Variants in RCOR3 observed in about 807,000 individuals in gnomAD.
RCOR3 encodes the protein REST corepressor 3.
A neutral mutation model predicts 64.1 loss-of-function variants in RCOR3; 13 were observed. The ratio of observed to expected loss-of-function variants is 0.20; its 90% CI spans 0.13 to 0.32. RCOR3 has a LOEUF of 0.32. Ranked by LOEUF, RCOR3 falls within the 10% of genes least tolerant of loss-of-function variation. RCOR3 has a pLI of 1.00. For missense variants in RCOR3, 489 were observed against 701.2 expected, an observed-to-expected ratio of 0.70 and a Z score of 3.42; for synonymous variants, 215 against 239.0, an observed-to-expected ratio of 0.90 and a Z score of 0.93.
intron 2 of RCOR3, among the ~76,000 whole-genome samples, chr1:211,270,237 A>G (rs1695934582): frequency 1.3e-5 from 2 of 151,874 alleles, no homozygotes; most frequent in South Asian, 2.1e-4. Context: ...TAATTTTTGT[A>G]TTTTTAGTAG....
Position 211,289,253 on chromosome 1 carries a change from C to T in RCOR3, c.796C>T (p.His266Tyr), listed in dbSNP as rs764852882. 2 of 1,614,022 alleles carry T rather than the reference C, an allele frequency of 1.2e-6. No individual in the cohort carries two copies. Among genetic ancestry groups the T allele is most frequent in the East Asian group, 2.2e-5 (1 of 44,866 alleles). The change falls in exon 8 of 12, where the codon CAT (histidine) becomes TAT (tyrosine). Residue 266 changes from histidine (H) to tyrosine (Y), a missense_variant. His to Tyr is a moderately conservative substitution (Grantham distance 83). Transcript: ENST00000419091. ...AGAGTATCAGAGTTTACAACATCGC[C>T]ATCATTCTCAGCGTTCTAAGTGCCG... ...RREYQSLQHR[H>Y]HSQRSKCRPP...
intron 9 of RCOR3, among the ~76,000 whole-genome samples, chr1:211,299,976 T>G (rs930641878): frequency 6.6e-6 from 1 of 152,058 alleles, no homozygotes; most frequent in African/African-American, 2.4e-5. Flanking sequence ...CTATTTTTTC[T>G]TCACTCTTCC....
intron 10 of RCOR3, among the ~76,000 whole-genome samples, chr1:211,309,086 T>TA (rs10688171): frequency 0.15 from 16,727 of 113,724 alleles, 1,372 homozygotes; most frequent in African/African-American, 0.19. Context: ...TAGCTAAACA[T>TA]AAAAAAAAAA....
chr1:211,279,640 A>G (rs541128488), intron 7 of RCOR3, among the ~76,000 whole-genome samples: 5 of 152,178 alleles, frequency 3.3e-5, no homozygotes, highest in Admixed American at 6.5e-5. Context: ...TCTTTCATCA[A>G]TGTTATTTAA....
chr1:211,290,890 G>A (rs1275501457), intron 8 of RCOR3, among the ~76,000 whole-genome samples: 2 of 151,990 alleles, frequency 1.3e-5, no homozygotes, highest in Non-Finnish European at 2.9e-5. Context: ...GGAAACTGCT[G>A]AAGGACTTTA....
At chr1:211,282,397 T>G (rs1202116605) in intron 7 of RCOR3, among the ~76,000 whole-genome samples, 1 of 152,222 alleles carries the variant, frequency 6.6e-6, no homozygotes, top group African/African-American at 2.4e-5. Flanking sequence ...AATTTTAACT[T>G]TTAAAAGTTG....
At chr1:211,278,087 C>G (rs1319995693) in intron 5 of RCOR3, 30 bp from the exon 6 acceptor site, 2 of 1,553,124 alleles carry the variant, frequency 1.3e-6, no homozygotes, top group Non-Finnish European at 1.8e-6. Context: ...ATGAATTAAA[C>G]TTGCTGATAT....
chr1:211,289,019 T>C (rs1698918146), intron 7 of RCOR3, among the ~76,000 whole-genome samples, 159 bp from the exon 8 acceptor site: 1 of 151,934 alleles, frequency 6.6e-6, no homozygotes, highest in Non-Finnish European at 1.5e-5. Flanking sequence ...GTGAGTGTTA[T>C]GTGTGTGTGT....
intron 3 of RCOR3, chr1:211,271,671 G>T: frequency 5.2e-6 from 2 of 388,120 alleles, no homozygotes; most frequent in Non-Finnish European, 1.0e-5. Flanking sequence ...ACTTCAAAGA[G>T]CCCACTATCA....
chr1:211,295,871 A>G (rs1699814151), intron 9 of RCOR3, 118 bp downstream of exon 9: 2 of 644,790 alleles, frequency 3.1e-6, no homozygotes, highest in African/African-American at 1.8e-5. Flanking sequence ...GTTTCATAAT[A>G]TGGATAATTT....
chr1:211,291,900 C>T (rs1214685737), intron 8 of RCOR3, among the ~76,000 whole-genome samples: 1 of 152,162 alleles, frequency 6.6e-6, no homozygotes, highest in Non-Finnish European at 1.5e-5. Context: ...AGGAACATCA[C>T]TTGAGGCCAG....
At chr1:211,291,615 C>A (rs1210704586) in intron 8 of RCOR3, 2 of 455,780 alleles carry the variant, frequency 4.4e-6, no homozygotes, top group Non-Finnish European at 8.8e-6. Context: ...AACCTTGCAA[C>A]AGTATAGTGT....
chr1:211,260,611 CG>C (rs2102404239), intron 2 of RCOR3, among the ~76,000 whole-genome samples: 1 of 152,320 alleles, frequency 6.6e-6, no homozygotes, highest in South Asian at 2.1e-4. Flanking sequence ...CGGCTGTCAC[CG>C]GCCGGGGAAG....
chr1:211,308,684 G>GT (rs71585833), intron 10 of RCOR3, among the ~76,000 whole-genome samples: 11,106 of 41,902 alleles, frequency 0.27, 1,110 homozygotes, highest in African/African-American at 0.3. Flanking sequence ...TTTTTTTTTT[G>GT]TTTTTTTTTT....
intron 3 of RCOR3, among the ~76,000 whole-genome samples, chr1:211,272,126 GTT>G (rs1696287367): frequency 6.6e-6 from 1 of 152,160 alleles, no homozygotes; most frequent in South Asian, 2.1e-4. Context: ...AACTGAGTAT[GTT>G]TCTGCTTACC....
In RCOR3 at chr1:211,278,106, T is replaced by G; in HGVS notation, c.517-11T>G. ...ATTAAACTTGCTGATATTAACATGA[T>G]TTTTTTTAAGCTTCCAGATAAGACA... On this transcript the variant is annotated splice_polypyrimidine_tract_variant and intron_variant, in intron 5 of 11. Coordinates refer to ENST00000419091, the MANE Select transcript of RCOR3 (RefSeq NM_001136223.3). The G allele has an allele frequency of 6.3e-7, 1 of 1,575,276 alleles. No homozygotes were observed. Among genetic ancestry groups the G allele is most frequent in the Non-Finnish European group, 8.6e-7 (1 of 1,158,852 alleles).
rs542829917 is a variant in RCOR3, at chr1:211,310,007, C to T, written c.1076-2713C>T. ...CTGAGTGTGAAGGTGATGAAGAATT[C>T]AGCCATATATATCTAATACCTCCTG... On this transcript the variant is annotated intron_variant, in intron 10 of 11. Transcript: ENST00000419091. 7.2e-5 allele frequency among the ~76,000 whole-genome samples: 11 copies of T among 152,260 alleles called. No homozygotes were observed. In the South Asian group the frequency reaches 1.9e-3, roughly 26 times the overall value.
At chr1:211,275,319 A>G (rs1392124883) in intron 4 of RCOR3, among the ~76,000 whole-genome samples, 3 of 152,212 alleles carry the variant, frequency 2.0e-5, no homozygotes, top group Admixed American at 6.5e-5. Context: ...TTTTATATCT[A>G]TCTAAAGGTA....
chr1:211,273,013 T>G (rs1218347007), intron 3 of RCOR3, among the ~76,000 whole-genome samples: 1 of 152,206 alleles, frequency 6.6e-6, no homozygotes, highest in Admixed American at 6.5e-5. Context: ...CAGCATATAT[T>G]TAGACCTGTC....
Sources: allele counts gnomAD v4.1 joint callset (sites outside exome capture counted in the v4.1 genomes callset), GRCh38; gene constraint gnomAD v4.1.1; transcripts MANE v1.5; gene names NCBI Gene and HGNC (gene_info 2026-07-23, HGNC 2026-07-21).